RNF112: variants seen among roughly 807,000 people sequenced by gnomAD.
RNF112 encodes brain finger protein.
A neutral mutation model predicts 64.7 loss-of-function variants in RNF112; 34 were observed. The observed-to-expected ratio is 0.53, with a 90% CI of 0.40 to 0.70. The LOEUF (loss-of-function observed/expected upper bound fraction) is 0.70. Ranked by LOEUF, RNF112 falls within the 30% of genes least tolerant of loss-of-function variation. RNF112 has a pLI of 0.00. For missense variants in RNF112, 734 were observed against 850.0 expected, an observed-to-expected ratio of 0.86 and a Z score of 1.70; for synonymous variants, 345 against 344.5, an observed-to-expected ratio of 1.00 and a Z score of -0.02.
rs1913765365 is a variant in RNF112, at chr17:19,413,751, A to G, written c.825+70A>G. 1 of 1,197,080 alleles carries G rather than the reference A, an allele frequency of 8.4e-7. No individual in the cohort carries two copies. Among genetic ancestry groups the G allele is most frequent in the Non-Finnish European group, 1.2e-6 (1 of 846,262 alleles). The allele number at this position is 1,197,080 out of a possible 1,614,324, so 74.2% of individuals were successfully genotyped here. ...TCTCCAGCTCAGCTTCCTCAAGGCC[A>G]GAGCATCTCACAGGCTTTGGTGTCT... On this transcript the variant is annotated intron_variant, in intron 6 of 13. Coordinates refer to ENST00000461366, the MANE Select transcript of RNF112 (RefSeq NM_007148.5). This position sits in a 1 kb window ranked among gnomAD's most constrained non-coding sequence, Gnocchi z 5.9.
rs1401120777 is a variant in RNF112, at chr17:19,415,084, T to A, written c.1173T>A (p.Asp391Glu). 1 of 1,601,604 alleles carries A rather than the reference T, an allele frequency of 6.2e-7. No homozygotes were observed. Among genetic ancestry groups the A allele is most frequent in the Non-Finnish European group, 8.5e-7 (1 of 1,175,846 alleles). ...ACCTTCTGGGGGCCTACGTCTCAGA[T>A]GTGCTGAGTGCGGCCCCCCAGCACG... ...FRHLLGAYVS[D>E]VLSAAPQHAK... is the part of the protein sequence containing the mutation. Residue 391 changes from aspartate (D) to glutamate (E), a missense_variant, in exon 11 of 14, where the codon GAT becomes GAA. Coordinates refer to ENST00000461366, the MANE Select transcript of RNF112 (RefSeq NM_007148.5). The surrounding 1 kb of genome is among the most constrained non-coding windows in gnomAD (Gnocchi z 7.8).
chr17:19,414,074 T>A, intron 6 of RNF112, 21 bp from the exon 7 acceptor site: 1 of 1,597,512 alleles, frequency 6.3e-7, no homozygotes, highest in Non-Finnish European at 8.6e-7. Flanking sequence ...CTCTCATACA[T>A]GTTGTTCTCT....
At position 19,416,390 on chromosome 17, in the gene RNF112, G is replaced by A. The variant is rs555824327; in HGVS notation, c.*215G>A. On this transcript the variant is annotated 3_prime_UTR_variant, in exon 14 of 14. Transcript: ENST00000461366. ...TCTGGGGGCAGTGGATAGAACACCC[G>A]GCCTGTTTCTGGTTGCAGATGGTTG... is the stretch of plus-strand genomic sequence containing the variant. 9.4e-6 allele frequency: 5 copies of A among 529,862 alleles called. No homozygotes were observed. Among genetic ancestry groups the A allele is most frequent in the Admixed American group, 3.6e-5 (1 of 27,706 alleles). 32.8% of individuals were successfully genotyped at this position (529,862 alleles called of 1,614,324 possible).
chr17:19,412,878 C>G lies in RNF112; in HGVS notation c.382-60C>G. ...AGGACACAGAGCTCCAGGCTGAACA[C>G]ATTCCAGGGTCAGGAGCTGGTCCTG... On this transcript the variant is annotated intron_variant, in intron 3 of 13. Coordinates refer to ENST00000461366, the MANE Select transcript of RNF112 (RefSeq NM_007148.5). This position sits in a 1 kb window ranked among gnomAD's most constrained non-coding sequence, Gnocchi z 5.1. 6.4e-7 allele frequency: 1 copy of G among 1,569,108 alleles called. No homozygotes were observed. Among genetic ancestry groups the G allele is most frequent in the Non-Finnish European group, 8.6e-7 (1 of 1,159,194 alleles).
rs540837189 is a variant in RNF112, at chr17:19,415,524, G to A, written c.1357G>A (p.Ala453Thr). Residue 453 changes from alanine to threonine, a missense_variant, in exon 13 of 14, where the codon GCT becomes ACT. By Grantham distance (58) the Ala-to-Thr change is moderately conservative. Coordinates refer to ENST00000461366, the MANE Select transcript of RNF112 (RefSeq NM_007148.5). This position sits in a 1 kb window ranked among gnomAD's most constrained non-coding sequence, Gnocchi z 7.8. Reference sequence around the variant, plus strand: ...TGGGTTTTCCCGTGGACAGATGGCTGCTCAGCTGCACGACCTGAGGAAGGT... The same window carrying A: ...TGGGTTTTCCCGTGGACAGATGGCTACTCAGCTGCACGACCTGAGGAAGGT... ...PGFTSPDEMA[A>T]QLHDLRKVEA... is the part of the protein sequence containing the mutation. 2 of 1,611,660 alleles carry A rather than the reference G, an allele frequency of 1.2e-6. No individual in the cohort carries two copies. Among genetic ancestry groups the A allele is most frequent in the Middle Eastern group, 1.7e-4 (1 of 6,058 alleles).
chr17:19,414,335 A>G lies in RNF112; in HGVS notation c.877-114A>G, dbSNP rs1048035988. The G allele has an allele frequency of 5.2e-6, 7 of 1,342,344 alleles. No individual in the cohort carries two copies. The Admixed American group carries it at 1.2e-4, about 24-fold the overall frequency. 83.2% of individuals were successfully genotyped at this position (1,342,344 alleles called of 1,614,324 possible). The stretch of plus-strand genomic sequence containing the variant: ...GAGAGGCAGGAGAACCCCAGGCTGC[A>G]AAAGGGGGAGCCTAGCTCCTACAGC... On this transcript the variant is annotated intron_variant, in intron 7 of 13. Coordinates refer to ENST00000461366, the MANE Select transcript of RNF112 (RefSeq NM_007148.5).
Sources: allele counts gnomAD v4.1 joint callset, GRCh38; gene constraint gnomAD v4.1.1; non-coding constraint Gnocchi (gnomAD v3.1); transcripts MANE v1.5; gene names NCBI Gene and HGNC (gene_info 2026-07-23, HGNC 2026-07-21).